The following GALNT17 variants were observed in gnomAD, a reference collection of about 807,000 sequenced individuals.
GALNT17 encodes the protein UDP-GalNAc:polypeptide N-acetylgalactosaminyltransferase-like 3.
A neutral mutation model predicts 63.7 loss-of-function variants in GALNT17; 29 were observed. The observed-to-expected ratio is 0.46, with a 90% CI of 0.34 to 0.62. The LOEUF (loss-of-function observed/expected upper bound fraction) is 0.62. Among genes scored for constraint, GALNT17 ranks in the 20% least tolerant of loss-of-function variants. The pLI, the probability that GALNT17 is intolerant of heterozygous loss-of-function variation, is 0.01. For missense variants in GALNT17, 603 were observed against 799.6 expected, an observed-to-expected ratio of 0.75 and a Z score of 2.97; for synonymous variants, 305 against 318.3, an observed-to-expected ratio of 0.96 and a Z score of 0.45.
chr7:71,393,722 G>C (rs1482314277), intron 3 of GALNT17, among the ~76,000 whole-genome samples: 6 of 152,028 alleles, frequency 3.9e-5, no homozygotes, highest in Non-Finnish European at 8.8e-5. Context: ...CCTTTGTCAG[G>C]GAATTTTGTT....
intron 5 of GALNT17, among the ~76,000 whole-genome samples, chr7:71,426,170 G>A (rs948642154): frequency 2.0e-5 from 3 of 152,198 alleles, no homozygotes; most frequent in African/African-American, 7.2e-5. Context: ...TTGGGCGGGG[G>A]TGCAGAGCCA....
intron 3 of GALNT17, among the ~76,000 whole-genome samples, chr7:71,408,979 CAT>C (rs966597620): frequency 2.2e-4 from 33 of 147,778 alleles, no homozygotes; most frequent in East Asian, 7.9e-4. Context: ...TGTATATATA[CAT>C]ATATATACAC....
intron 6 of GALNT17, among the ~76,000 whole-genome samples, chr7:71,630,007 A>G (rs893446955): frequency 6.6e-6 from 1 of 151,550 alleles, no homozygotes; most frequent in African/African-American, 2.4e-5. Context: ...CATGTTTATT[A>G]TATCGTAACT....
intron 9 of GALNT17, among the ~76,000 whole-genome samples, chr7:71,690,266 CA>C (rs1791422375): frequency 6.6e-6 from 1 of 151,908 alleles, no homozygotes; most frequent in Non-Finnish European, 1.5e-5. Flanking sequence ...CTTCAAGATC[CA>C]CCCTTCTTGG....
intron 5 of GALNT17, among the ~76,000 whole-genome samples, chr7:71,437,539 C>T (rs1336258681): frequency 1.3e-5 from 2 of 152,180 alleles, no homozygotes; most frequent in Non-Finnish European, 2.9e-5. Flanking sequence ...CCTAGTTGGT[C>T]GGCTCTGCGT....
intron 1 of GALNT17, among the ~76,000 whole-genome samples, chr7:71,197,606 C>T (rs985605184): frequency 2.6e-5 from 4 of 152,016 alleles, no homozygotes; most frequent in African/African-American, 9.7e-5. Flanking sequence ...CACTCCCCTT[C>T]CCAGCCTCTG....
At chr7:71,409,298 G>T (rs956280078) in intron 3 of GALNT17, among the ~76,000 whole-genome samples, 1 of 152,044 alleles carries the variant, frequency 6.6e-6, no homozygotes, top group African/African-American at 2.4e-5. Flanking sequence ...TAGGCAGGGG[G>T]GTAAATGCTA....
intron 5 of GALNT17, among the ~76,000 whole-genome samples, chr7:71,566,664 C>CTTTT (rs568457006): frequency 7.6e-6 from 1 of 131,628 alleles, no homozygotes. Context: ...CGAGATAAAG[C>CTTTT]TTTTTTTTTT....
chr7:71,251,910 G>A (rs1790204852), intron 1 of GALNT17, among the ~76,000 whole-genome samples: 1 of 152,072 alleles, frequency 6.6e-6, no homozygotes, highest in Non-Finnish European at 1.5e-5. Context: ...GTTTTATGAG[G>A]ACTTGTTTGG....
chr7:71,270,641 T>C (rs1583816994), intron 1 of GALNT17, among the ~76,000 whole-genome samples: 1 of 151,774 alleles, frequency 6.6e-6, no homozygotes, highest in East Asian at 1.9e-4. Flanking sequence ...GCTTCAGCAA[T>C]TCTCCTTTTA....
chr7:71,669,932 C>T, intron 7 of GALNT17, 40 bp from the exon 8 acceptor site: 1 of 1,611,218 alleles, frequency 6.2e-7, no homozygotes, highest in Non-Finnish European at 8.5e-7. Flanking sequence ...GGCCAGAGCT[C>T]CACAGTCACT....
intron 5 of GALNT17, among the ~76,000 whole-genome samples, chr7:71,486,179 A>C (rs2116657614): frequency 6.6e-6 from 1 of 151,614 alleles, no homozygotes; most frequent in East Asian, 2.0e-4. Flanking sequence ...AAATGCAAAA[A>C]TTTGCCGGGC....
chr7:71,624,958 T>C (rs1284059968), intron 6 of GALNT17, among the ~76,000 whole-genome samples: 2 of 152,166 alleles, frequency 1.3e-5, no homozygotes, highest in Admixed American at 1.3e-4. Flanking sequence ...GAAACTCCAC[T>C]GTACGCTTGT....
chr7:71,503,774 C>T (rs970432077), intron 5 of GALNT17, among the ~76,000 whole-genome samples: 2 of 152,108 alleles, frequency 1.3e-5, no homozygotes, highest in Non-Finnish European at 2.9e-5. Flanking sequence ...ATTCTAGGTA[C>T]TTAGAACAGA....
chr7:71,494,126 G>A (rs1341610877), intron 5 of GALNT17, among the ~76,000 whole-genome samples: 2 of 151,770 alleles, frequency 1.3e-5, no homozygotes, highest in Admixed American at 6.6e-5. Flanking sequence ...GGCAGAAGGT[G>A]AAGGGGAAGC....
chr7:71,132,871 C>T lies in GALNT17; in HGVS notation c.69C>T (p.Leu23=), dbSNP rs1278519584. The change falls in exon 1 of 11, where the codon CTC becomes CTT. Residue 23 remains leucine, a synonymous_variant. Coordinates refer to ENST00000333538, the MANE Select transcript of GALNT17 (RefSeq NM_022479.3). The stretch of plus-strand genomic sequence containing the variant: ...TGATCGCGGTAGCCGGCTTCGTGCT[C>T]TTCCTGGCCAAGTGCCGGCCCATCG... ...LNLIAVAGFV[L]FLAKCRPIAV... is the part of the protein sequence containing the mutation. The T allele has an allele frequency of 6.2e-6, 10 of 1,613,140 alleles. No homozygotes were observed. Among genetic ancestry groups the T allele is most frequent in the Non-Finnish European group, 8.5e-6 (10 of 1,179,518 alleles).
At chr7:71,645,485 T>C (rs958173972) in intron 6 of GALNT17, among the ~76,000 whole-genome samples, 1 of 152,172 alleles carries the variant, frequency 6.6e-6, no homozygotes, top group Non-Finnish European at 1.5e-5. Context: ...CTTTCCGCCA[T>C]GATTGTAAGT....
intron 6 of GALNT17, among the ~76,000 whole-genome samples, chr7:71,615,581 A>G (rs1252028381): frequency 7.0e-6 from 1 of 141,996 alleles, no homozygotes; most frequent in Non-Finnish European, 1.5e-5. Context: ...GGCTCAAAGG[A>G]TTCTCCTGCC....
At chr7:71,690,557 G>A (rs899345017) in intron 9 of GALNT17, among the ~76,000 whole-genome samples, 3 of 152,184 alleles carry the variant, frequency 2.0e-5, no homozygotes, top group African/African-American at 4.8e-5. Flanking sequence ...CATTTTGTAA[G>A]ACTGTAGCTG....
Sources: allele counts gnomAD v4.1 joint callset (sites outside exome capture counted in the v4.1 genomes callset), GRCh38; gene constraint gnomAD v4.1.1; transcripts MANE v1.5; gene names NCBI Gene and HGNC (gene_info 2026-07-23, HGNC 2026-07-21).